The following NCR1 variants were observed in gnomAD, a reference collection of about 807,000 sequenced individuals.
The protein encoded by NCR1 is natural cytotoxicity triggering receptor 1.
In NCR1, 30 loss-of-function variants were observed where a neutral mutation model predicts 32.5. That is an observed-to-expected ratio of 0.92 (90% CI 0.69 to 1.25). The LOEUF (loss-of-function observed/expected upper bound fraction) is 1.25. NCR1 is among the 50% of genes most tolerant of loss of function. NCR1 has a pLI of 0.00. For missense variants in NCR1, 369 were observed against 380.7 expected (o/e 0.97, Z 0.26); for synonymous variants, 169 against 143.4 (o/e 1.18, Z -1.28).
chr19:54,900,445 A>G, the NCR1 span, among the ~76,000 whole-genome samples: 3 of 152,212 alleles, frequency 2.0e-5, no homozygotes, highest in Admixed American at 6.5e-5. Context: ...AAGGAATTTC[A>G]TAAGATAATG....
the NCR1 span, among the ~76,000 whole-genome samples, chr19:54,931,232 G>T: frequency 6.6e-6 from 1 of 151,820 alleles, no homozygotes; most frequent in Middle Eastern, 3.4e-3. Flanking sequence ...GACCAGCCTG[G>T]CCAACATGGT....
chr19:54,903,403 T>TACATAC (rs1383235919), upstream of NCR1, among the ~76,000 whole-genome samples: 259 of 145,030 alleles, frequency 1.8e-3, 5 homozygotes, highest in South Asian at 4.1e-3. Context: ...TATGTATATG[T>TACATAC]ATGTATACAC....
intron 5 of NCR1, among the ~76,000 whole-genome samples, chr19:54,911,676 G>A (rs2067985301): frequency 6.6e-6 from 1 of 152,094 alleles, no homozygotes; most frequent in African/African-American, 2.4e-5. Flanking sequence ...CTTGAACTCG[G>A]GAGGCGGAGG....
chr19:54,921,302 G>A, the NCR1 span, among the ~76,000 whole-genome samples: 1 of 152,142 alleles, frequency 6.6e-6, no homozygotes, highest in Non-Finnish European at 1.5e-5. Context: ...CCCACAGCCT[G>A]CATTACTACC....
At chr19:54,927,208 G>A in the NCR1 span, among the ~76,000 whole-genome samples, 2 of 151,850 alleles carry the variant, frequency 1.3e-5, no homozygotes, top group Non-Finnish European at 1.5e-5. Flanking sequence ...GGCCAACATG[G>A]TGAAACCCCT....
At chr19:54,936,442 G>C in the NCR1 span, 4 of 1,611,280 alleles carry the variant, frequency 2.5e-6, no homozygotes. Context: ...CTAGGGAAAA[G>C]CAGAAGAGAT....
chr19:54,916,734 C>T (rs528994307), downstream of NCR1, among the ~76,000 whole-genome samples: 85 of 101,252 alleles, frequency 8.4e-4, 1 homozygote, highest in South Asian at 0.015. Flanking sequence ...TTTTGAGTCT[C>T]GCTCTGCACA....
the NCR1 span, chr19:54,937,949 G>A: frequency 1.1e-6 from 1 of 870,542 alleles, no homozygotes; most frequent in Admixed American, 1.8e-5. Context: ...CAAATACATG[G>A]AGATGAAACA....
At chr19:54,901,383 AAG>A (rs1556715933), upstream of NCR1, among the ~76,000 whole-genome samples, 4 of 144,416 alleles carry the variant, frequency 2.8e-5, no homozygotes, top group Non-Finnish European at 4.6e-5. Flanking sequence ...AAAAAAAAAA[AAG>A]ATTAGTAATA....
the NCR1 span, chr19:54,933,890 G>C: frequency 4.1e-6 from 3 of 724,518 alleles, no homozygotes; most frequent in Non-Finnish European, 7.3e-6. Context: ...GGCCACAAAA[G>C]AGCAGGAAGG....
the NCR1 span, chr19:54,934,765 A>G: frequency 1.1e-6 from 1 of 933,770 alleles, no homozygotes; most frequent in Non-Finnish European, 1.6e-6. This position sits in a 1 kb window ranked among gnomAD's most constrained non-coding sequence, Gnocchi z 6.7. Context: ...TCTGGAATGC[A>G]AAGGCGTGAT....
At chr19:54,938,007 G>A in the NCR1 span, 14 of 1,508,500 alleles carry the variant, frequency 9.3e-6, no homozygotes, top group African/African-American at 1.4e-5. Flanking sequence ...CTTAGTCATC[G>A]TTCAGGGTCT....
chr19:54,934,415 A>G, the NCR1 span: 20 of 1,486,274 alleles, frequency 1.3e-5, no homozygotes, highest in Non-Finnish European at 1.7e-5. This position sits in a 1 kb window ranked among gnomAD's most constrained non-coding sequence, Gnocchi z 6.7. Context: ...GTGGCGCAGT[A>G]AGTCAGGTGT....
At chr19:54,924,905 G>A in the NCR1 span, among the ~76,000 whole-genome samples, 1 of 152,130 alleles carries the variant, frequency 6.6e-6, no homozygotes, top group African/African-American at 2.4e-5. Context: ...CCACTGTACT[G>A]CAGCCCGGGT....
intron 3 of NCR1, among the ~76,000 whole-genome samples, chr19:54,908,680 CGCT>C (rs2067775277): frequency 7.1e-6 from 1 of 140,710 alleles, no homozygotes; most frequent in Non-Finnish European, 1.5e-5. Flanking sequence ...GAGACAGTCT[CGCT>C]GCAGTGCAGT....
the NCR1 span, among the ~76,000 whole-genome samples, chr19:54,921,312 C>T: frequency 2.0e-5 from 3 of 152,192 alleles, no homozygotes; most frequent in Admixed American, 2.0e-4. Flanking sequence ...GCATTACTAC[C>T]AGCTGACTGT....
chr19:54,901,205 G>T (rs930241474), upstream of NCR1, among the ~76,000 whole-genome samples: 4 of 150,612 alleles, frequency 2.7e-5, no homozygotes, highest in Admixed American at 6.6e-5. Flanking sequence ...CAGGAGAATG[G>T]CATAAACTCG....
the NCR1 span, among the ~76,000 whole-genome samples, chr19:54,929,813 A>G: frequency 6.6e-6 from 1 of 152,046 alleles, no homozygotes; most frequent in African/African-American, 2.4e-5. Flanking sequence ...ACAGTCTGAG[A>G]TATTGAAAAC....
the NCR1 span, among the ~76,000 whole-genome samples, chr19:54,922,488 G>C: frequency 6.6e-6 from 1 of 151,854 alleles, no homozygotes; most frequent in Non-Finnish European, 1.5e-5. Flanking sequence ...CACAGAAACA[G>C]ACAGACAGGC....
Sources: gnomAD v4.1 joint callset for allele counts (sites outside exome capture counted in the v4.1 genomes callset) on GRCh38, gnomAD v4.1.1 for gene constraint, Gnocchi (gnomAD v3.1) non-coding constraint, MANE v1.5 for transcripts, NCBI Gene and HGNC (gene_info 2026-07-23, HGNC 2026-07-21) for gene names.